The following CERKL variants were observed in gnomAD, a reference collection of about 807,000 sequenced individuals.
CERKL encodes CERK like autophagy regulator, also known as ceramide kinase-like protein.
CERKL carries 61 observed loss-of-function variants against 63.4 expected under a neutral mutation model. The observed-to-expected ratio is 0.96, with a 90% confidence interval of 0.78 to 1.19. The LOEUF (loss-of-function observed/expected upper bound fraction) is 1.19. CERKL is among the 50% of genes most tolerant of loss of function. The probability of loss-of-function intolerance (pLI) is 0.00; values close to 1 mark genes in which losing one functional copy is unlikely to be tolerated. For synonymous variants in CERKL, 250 were observed against 230.5 expected, an observed-to-expected ratio of 1.08 and a Z score of -0.77; for missense variants, 675 against 655.5, an observed-to-expected ratio of 1.03 and a Z score of -0.33.
chr2:181,577,693 G>A (rs1004824121), intron 2 of CERKL, among the ~76,000 whole-genome samples: 2 of 152,162 alleles, frequency 1.3e-5, no homozygotes, highest in African/African-American at 4.8e-5. Context: ...CAGAGACTTA[G>A]AGGCATGGGA....
intron 5 of CERKL, among the ~76,000 whole-genome samples, chr2:181,554,927 G>C (rs1300363109): frequency 6.6e-6 from 1 of 152,060 alleles, no homozygotes; most frequent in Non-Finnish European, 1.5e-5. Flanking sequence ...GATGGAATTA[G>C]AATGCTAGAA....
intron 1 of CERKL, among the ~76,000 whole-genome samples, chr2:181,623,618 A>G (rs1686553197): frequency 6.6e-6 from 1 of 152,230 alleles, no homozygotes; most frequent in Non-Finnish European, 1.5e-5. Context: ...CCTTTTAGAC[A>G]GAGATCTTCC....
intron 4 of CERKL, among the ~76,000 whole-genome samples, chr2:181,561,712 C>T (rs1688453541): frequency 6.6e-6 from 1 of 152,118 alleles, no homozygotes; most frequent in Admixed American, 6.6e-5. Context: ...GAGATATTGA[C>T]CATCTATTCT....
intron 2 of CERKL, among the ~76,000 whole-genome samples, chr2:181,601,805 A>T (rs561372005): frequency 6.6e-6 from 1 of 152,288 alleles, no homozygotes; most frequent in Non-Finnish European, 1.5e-5. Flanking sequence ...GAGGATTTTA[A>T]CAGTTTGTTT....
At chr2:181,580,505 T>C (rs1684457471) in intron 2 of CERKL, among the ~76,000 whole-genome samples, 1 of 152,136 alleles carries the variant, frequency 6.6e-6, no homozygotes, top group South Asian at 2.1e-4. Context: ...TTCATTTTCT[T>C]CAGCAGTCTA....
At chr2:181,578,762 A>C (rs1224639115) in intron 2 of CERKL, among the ~76,000 whole-genome samples, 1 of 152,124 alleles carries the variant, frequency 6.6e-6, no homozygotes, top group South Asian at 2.1e-4. Context: ...CACTCTATCT[A>C]AAGCTGCCTC....
rs143434505 is a variant in CERKL at position 181,574,740 on chromosome 2, G to A, written c.482-856C>T. The stretch of plus-strand genomic sequence containing the variant: ...GCCACGTTTAAAGATTAAACAAGCA[G>A]TTATTAACATCTATTTTTAATAAAA... On this transcript the variant is annotated intron_variant, in intron 2 of 12. Transcript: ENST00000410087. Among the ~76,000 whole-genome samples the A allele has an allele frequency of 2.0e-5, 3 of 152,264 alleles. No homozygotes were observed. The East Asian group carries it at 5.8e-4, about 29-fold the overall frequency.
rs958348235 is a variant in CERKL at position 181,550,413 on chromosome 2, C to T, written c.821-705G>A. Among the ~76,000 whole-genome samples, 1 of 152,136 alleles carries T rather than the reference C, an allele frequency of 6.6e-6. No homozygotes were observed. The highest frequency in any genetic ancestry group is 2.4e-5 in the African/African-American group (1 of 41,446). On this transcript the variant is annotated intron_variant, in intron 5 of 12. Coordinates refer to ENST00000410087, the MANE Select transcript of CERKL (RefSeq NM_201548.5). The surrounding 1 kb of genome is among the most constrained non-coding windows in gnomAD (Gnocchi z 4.5). ...GGCAAAGAGCGCCCTAAGTCAGGCC[C>T]CTTTAATGTTTATGTGTAACTGAAA...
chr2:181,537,878 G>GAGCAATGGAGCATTACTGAGTTCC lies in CERKL; in HGVS notation c.*282_*305dup, dbSNP rs1559065081. 2 of 539,068 alleles carry GAGCAATGGAGCATTACTGAGTTCC rather than the reference G, an allele frequency of 3.7e-6. No individual in the cohort carries two copies. The highest frequency in any genetic ancestry group is 3.8e-5 in the African/African-American group (2 of 53,332). The allele number at this position is 539,068 out of a possible 1,614,324, so 33.4% of individuals were successfully genotyped here. A position where few individuals can be genotyped will look rare whatever the true frequency, so the allele number is the denominator to read the frequency against. On this transcript the variant is annotated 3_prime_UTR_variant, in exon 13 of 13. Coordinates refer to ENST00000410087, the MANE Select transcript of CERKL (RefSeq NM_201548.5). ...CGTTTGGCCACACAGCAGGAGGTTA[G>GAGCAATGGAGCATTACTGAGTTCC]AGCAATGGAGCATTACTGAGTTCCT...
At chr2:181,648,464 G>A (rs1454371485) in intron 1 of CERKL, among the ~76,000 whole-genome samples, 1 of 152,086 alleles carries the variant, frequency 6.6e-6, no homozygotes, top group Non-Finnish European at 1.5e-5. Flanking sequence ...AAACTATCCT[G>A]GAGGAGAATA....
At chr2:181,562,343 T>G (rs1018574429) in intron 4 of CERKL, among the ~76,000 whole-genome samples, 1 of 152,158 alleles carries the variant, frequency 6.6e-6, no homozygotes, top group Non-Finnish European at 1.5e-5. Flanking sequence ...ATCCCCAAAA[T>G]GTATAAAACC....
At chr2:181,634,178 C>T (rs560603921) in intron 1 of CERKL, among the ~76,000 whole-genome samples, 7 of 152,082 alleles carry the variant, frequency 4.6e-5, no homozygotes, top group Middle Eastern at 3.4e-3. Flanking sequence ...AGCATAAAAA[C>T]GAGAAAGGAA....
At chr2:181,577,728 C>T (rs1684311799) in intron 2 of CERKL, among the ~76,000 whole-genome samples, 1 of 151,958 alleles carries the variant, frequency 6.6e-6, no homozygotes, top group Non-Finnish European at 1.5e-5. Flanking sequence ...GGGTTTTAGG[C>T]AGTGACATGG....
At chr2:181,580,148 AAAT>A (rs1376339926) in intron 2 of CERKL, among the ~76,000 whole-genome samples, 2 of 151,940 alleles carry the variant, frequency 1.3e-5, no homozygotes, top group Non-Finnish European at 2.9e-5. Flanking sequence ...TCTTAAGATC[AAAT>A]AATACTTTTG....
intron 1 of CERKL, among the ~76,000 whole-genome samples, chr2:181,633,749 G>C (rs1447138625): frequency 6.6e-6 from 1 of 152,138 alleles, no homozygotes; most frequent in Non-Finnish European, 1.5e-5. Flanking sequence ...AACTACAATA[G>C]AATGAGTGTC....
At chr2:181,554,847 T>C (rs1296199353) in intron 5 of CERKL, among the ~76,000 whole-genome samples, 2 of 152,076 alleles carry the variant, frequency 1.3e-5, no homozygotes, top group Non-Finnish European at 2.9e-5. Context: ...CCATTCTCTA[T>C]CAAAAGCCCT....
In CERKL at chr2:181,604,068, A is replaced by G. The variant is rs1343928865; in HGVS notation, c.250T>C (p.Tyr84His). The G allele has an allele frequency of 2.0e-5, 32 of 1,599,206 alleles. No homozygotes were observed. In the Admixed American group the frequency reaches 4.7e-4, roughly 23 times the overall value. The change falls in exon 2 of 13, where the codon TAT becomes CAT. Residue 84 changes from tyrosine (Y) to histidine (H), a missense_variant. Tyr to His is a moderately conservative substitution (Grantham distance 83, BLOSUM62 2). Transcript: ENST00000410087. ...QPERPAGDSKYDLLCKEEFIE... is the reference protein window; with the variant it reads ...QPERPAGDSKHDLLCKEEFIE... ...AATTCTTCTTTACATAGCAAGTCAT[A>G]CTTAGAATCACCTGAAAAAAAAATA...
At chr2:181,616,244 C>T (rs893083641) in intron 1 of CERKL, among the ~76,000 whole-genome samples, 1 of 126,286 alleles carries the variant, frequency 7.9e-6, no homozygotes. Flanking sequence ...GACAGAGTCT[C>T]ACTCTGTCAC....
chr2:181,634,641 T>C (rs1398495627), intron 1 of CERKL, among the ~76,000 whole-genome samples: 2 of 152,100 alleles, frequency 1.3e-5, no homozygotes, highest in African/African-American at 4.8e-5. Context: ...TACAGGGACC[T>C]CTAACATGGG....
Sources: allele counts gnomAD v4.1 joint callset (sites outside exome capture counted in the v4.1 genomes callset), GRCh38; gene constraint gnomAD v4.1.1; non-coding constraint Gnocchi (gnomAD v3.1); transcripts MANE v1.5; gene names NCBI Gene and HGNC (gene_info 2026-07-23, HGNC 2026-07-21).